DIP2C: variants seen among roughly 807,000 people sequenced by gnomAD.
DIP2C encodes disco-interacting protein 2 homolog C.
Under a neutral mutation model 192.4 loss-of-function variants are expected in DIP2C, and 33 were observed. That is an observed-to-expected ratio of 0.17 (90% confidence interval 0.13 to 0.23). The LOEUF (loss-of-function observed/expected upper bound fraction) is 0.23, where lower values mean the gene tolerates loss of function less well. DIP2C is among the 10% of genes least tolerant of loss of function. The pLI, the probability that DIP2C is intolerant of heterozygous loss-of-function variation, is 1.00. For synonymous variants in DIP2C, 979 were observed against 864.1 expected (o/e 1.13, Z -2.33); for missense variants, 1,537 against 2,110.1 (o/e 0.73, Z 5.32).
At chr10:557,990 G>C (rs951823100) in intron 1 of DIP2C, among the ~76,000 whole-genome samples, 1 of 152,058 alleles carries the variant, frequency 6.6e-6, no homozygotes, top group African/African-American at 2.4e-5. Context: ...AACCTCACAG[G>C]GTGCCGTCAC....
intron 1 of DIP2C, among the ~76,000 whole-genome samples, chr10:515,073 T>C (rs1323010916): frequency 1.3e-5 from 2 of 152,208 alleles, no homozygotes; most frequent in Admixed American, 1.3e-4. Flanking sequence ...TTTTAACACT[T>C]AGTGTTATCA....
intron 29 of DIP2C, among the ~76,000 whole-genome samples, chr10:340,188 A>AG (rs1483570303): frequency 6.6e-6 from 1 of 151,908 alleles, no homozygotes. Context: ...CAAAAAAAAA[A>AG]AAAGATAAAA....
chr10:336,992 G>T (rs1233367128), intron 29 of DIP2C, among the ~76,000 whole-genome samples: 16 of 126,798 alleles, frequency 1.3e-4, no homozygotes, highest in Middle Eastern at 4.3e-3. Context: ...GTGTGTGTGT[G>T]TTGTGGAGGC....
chr10:619,537 G>GCCCGCCCGCCCTCCCGCCCT (rs1554757178), intron 1 of DIP2C, among the ~76,000 whole-genome samples: 2 of 51,330 alleles, frequency 3.9e-5, no homozygotes, highest in African/African-American at 1.0e-4. Flanking sequence ...AAGCCCGCCC[G>GCCCGCCCGCCCTCCCGCCCT]CCCGCCCTCC....
At chr10:581,612 T>TC (rs143946120) in intron 1 of DIP2C, among the ~76,000 whole-genome samples, 3,184 of 152,204 alleles carry the variant, frequency 0.021, 113 homozygotes, top group African/African-American at 0.072. Flanking sequence ...AGTAATGGGT[T>TC]CCATTACCCT....
intron 32 of DIP2C, among the ~76,000 whole-genome samples, chr10:302,125 T>C (rs1956082803): frequency 6.6e-6 from 1 of 152,086 alleles, no homozygotes; most frequent in Non-Finnish European, 1.5e-5. Context: ...AAAAAGGCAT[T>C]TGCATGACTA....
intron 17 of DIP2C, among the ~76,000 whole-genome samples, chr10:373,833 T>A (rs557445497): frequency 6.6e-6 from 1 of 152,218 alleles, no homozygotes; most frequent in Non-Finnish European, 1.5e-5. Flanking sequence ...TGTAAGATCA[T>A]GCGCTTGCCC....
At chr10:554,940 G>C (rs1848762217) in intron 1 of DIP2C, among the ~76,000 whole-genome samples, 1 of 152,106 alleles carries the variant, frequency 6.6e-6, no homozygotes, top group African/African-American at 2.4e-5. Flanking sequence ...CTTCTCTCTG[G>C]TTCGTCAGAG....
chr10:574,169 G>A (rs1360848675), intron 1 of DIP2C, among the ~76,000 whole-genome samples: 1 of 152,196 alleles, frequency 6.6e-6, no homozygotes, highest in African/African-American at 2.4e-5. Flanking sequence ...CATCGATAAA[G>A]ACATTGCTGC....
At chr10:344,670 G>C (rs971322521) in intron 28 of DIP2C, 139 bp downstream of exon 28, 4 of 697,300 alleles carry the variant, frequency 5.7e-6, no homozygotes, top group Non-Finnish European at 9.8e-6. Flanking sequence ...GTCATACCGT[G>C]AATGAAACAC....
chr10:409,289 ATCTG>A (rs1170915364), intron 8 of DIP2C, among the ~76,000 whole-genome samples: 5 of 149,892 alleles, frequency 3.3e-5, no homozygotes, highest in South Asian at 2.1e-4. Flanking sequence ...CTGTCTTCTG[ATCTG>A]TCTGTGATGT....
intron 1 of DIP2C, among the ~76,000 whole-genome samples, chr10:489,509 A>G (rs1844275241): frequency 6.6e-6 from 1 of 152,246 alleles, no homozygotes; most frequent in Non-Finnish European, 1.5e-5. Flanking sequence ...GGTTGGGCCC[A>G]AGGCCTGACC....
intron 26 of DIP2C, 130 bp downstream of exon 26, chr10:348,511 C>T (rs1958629758): frequency 1.4e-6 from 2 of 1,434,422 alleles, no homozygotes; most frequent in South Asian, 1.4e-5. Flanking sequence ...CCTGTCCTGA[C>T]CGTTTGACTC....
At chr10:305,172 A>C (rs1188615897) in intron 32 of DIP2C, among the ~76,000 whole-genome samples, 1 of 152,058 alleles carries the variant, frequency 6.6e-6, no homozygotes, top group Non-Finnish European at 1.5e-5. Context: ...TCATACTCTC[A>C]TGCATATATG....
intron 5 of DIP2C, among the ~76,000 whole-genome samples, chr10:420,021 G>A (rs938745080): frequency 5.9e-5 from 9 of 152,160 alleles, no homozygotes; most frequent in Non-Finnish European, 1.2e-4. Context: ...GATGACGGGC[G>A]CCACGATGCG....
chr10:298,389 C>T (rs975496904), intron 32 of DIP2C, among the ~76,000 whole-genome samples: 2 of 152,248 alleles, frequency 1.3e-5, no homozygotes, highest in Admixed American at 6.5e-5. Context: ...ATCAAAGCCC[C>T]CCTGCTCATC....
intron 32 of DIP2C, among the ~76,000 whole-genome samples, chr10:309,029 G>A (rs549744213): frequency 2.0e-5 from 3 of 152,308 alleles, no homozygotes; most frequent in East Asian, 1.9e-4. Context: ...AACAGGTCAC[G>A]GAGCGGCTGC....
intron 29 of DIP2C, among the ~76,000 whole-genome samples, chr10:339,592 GA>G (rs1332069822): frequency 2.0e-5 from 3 of 152,130 alleles, no homozygotes; most frequent in Non-Finnish European, 4.4e-5. Flanking sequence ...TTTGCCAAAT[GA>G]AATACGGTCA....
chr10:276,575 A>C lies in DIP2C; in HGVS notation c.*750T>G, dbSNP rs1954529762. On this transcript the variant is annotated 3_prime_UTR_variant, in exon 37 of 37. Coordinates refer to ENST00000280886, the MANE Select transcript of DIP2C (RefSeq NM_014974.3). The stretch of plus-strand genomic sequence containing the variant: ...GTTTTTCTCTTTTATAGTTCTAAAG[A>C]GATCAAAATAAATTAAACGTTTTGT... The C allele has an allele frequency of 6.5e-6, 1 of 152,812 alleles. No homozygotes were observed. Among genetic ancestry groups the C allele is most frequent in the East Asian group, 1.9e-4 (1 of 5,194 alleles). 9.5% of individuals were successfully genotyped at this position (152,812 alleles called of 1,614,324 possible).
Sources: gnomAD v4.1 joint callset for allele counts (sites outside exome capture counted in the v4.1 genomes callset) on GRCh38, gnomAD v4.1.1 for gene constraint, MANE v1.5 for transcripts, NCBI Gene and HGNC (gene_info 2026-07-23, HGNC 2026-07-21) for gene names.